Variants in TAAR9 observed in about 807,000 individuals in gnomAD.
TAAR9 encodes trace amine-associated receptor 9.
For synonymous variants in TAAR9, 162 were observed against 152.6 expected, an observed-to-expected ratio of 1.06 and a Z score of -0.45; for missense variants, 453 against 409.4, an observed-to-expected ratio of 1.11 and a Z score of -0.92.
Position 132,538,865 on chromosome 6 carries a change from TC to T in TAAR9, c.578del (p.Pro193HisfsTer2), listed in dbSNP as rs1237245357. 6.2e-7 allele frequency: 1 copy of T among 1,613,214 alleles called. No homozygotes were observed. Among genetic ancestry groups the T allele is most frequent in the Non-Finnish European group, 8.5e-7 (1 of 1,179,630 alleles). On this transcript the variant is annotated frameshift_variant, in exon 1 of 1. Coordinates refer to ENST00000434551, the Ensembl canonical transcript of TAAR9. LOFTEE classifies it low-confidence loss of function (END_TRUNC). Reference sequence around the variant, plus strand: ...TAACCTGTGTAGGAGGCTGCCAGGCTCCACTGAATCAAAACTGGGTCCTACT... The same window carrying T: ...TAACCTGTGTAGGAGGCTGCCAGGCTCACTGAATCAAAACTGGGTCCTACT...
At chr6:132,538,629 T>A in exon 1 of TAAR9, 1 of 1,593,918 alleles carries the variant, frequency 6.3e-7, no homozygotes, top group South Asian at 1.1e-5. Flanking sequence ...TTTTGACACA[T>A]CCTTCTGTTT....
chr6:132,538,470 A>T lies in TAAR9; in HGVS notation c.181A>T (p.Lys61Ter), dbSNP rs2842899. The change falls in exon 1 of 1, where the codon AAA becomes TAA. Residue 61 changes from lysine to a stop codon, truncating the protein, a stop_gained. Transcript: ENST00000434551. LOFTEE classifies it low-confidence loss of function (END_TRUNC). Reference sequence around the variant, plus strand: ...GGTCATGATTGCTATCCTTCACTTCAAACAACTGCACACACCTACAAACTT... The same window carrying T: ...GGTCATGATTGCTATCCTTCACTTCTAACAACTGCACACACCTACAAACTT... 0.26 allele frequency: 419,423 copies of T among 1,612,492 alleles called. 55,973 individuals carry two copies. The highest frequency in any genetic ancestry group is 0.28 in the Admixed American group (16,467 of 59,792).
At chr6:132,538,316 G>C in exon 1 of TAAR9, 1 of 1,604,276 alleles carries the variant, frequency 6.2e-7, no homozygotes, top group South Asian at 1.1e-5. Flanking sequence ...CCCAAGCTGA[G>C]GCTGTGGAGC....
At chr6:132,538,458 A>G (rs780940109) in exon 1 of TAAR9, 1 of 1,613,516 alleles carries the variant, frequency 6.2e-7, no homozygotes, top group Non-Finnish European at 8.5e-7. Context: ...CATGATTGCT[A>G]TCCTTCACTT....
chr6:132,538,981 T>C (rs1686890773), exon 1 of TAAR9: 2 of 1,536,362 alleles, frequency 1.3e-6, no homozygotes, highest in Non-Finnish European at 1.7e-6. Context: ...GCTAGGAAGA[T>C]AGAAAGTACA....
chr6:132,538,446 G>T, exon 1 of TAAR9: 8 of 1,613,326 alleles, frequency 5.0e-6, no homozygotes, highest in Non-Finnish European at 6.8e-6. Context: ...AAACTTACTG[G>T]TCATGATTGC....
exon 1 of TAAR9, chr6:132,538,323 G>A (rs1776247552): frequency 5.0e-6 from 8 of 1,610,294 alleles, no homozygotes; most frequent in Non-Finnish European, 5.9e-6. Context: ...TGAGGCTGTG[G>A]AGCTGTGTTA....
exon 1 of TAAR9, chr6:132,538,916 C>T (rs949331406): frequency 2.5e-6 from 4 of 1,595,470 alleles, no homozygotes; most frequent in Non-Finnish European, 3.4e-6. Context: ...TCTTTATACC[C>T]AATGTCGCCA....
At chr6:132,539,053 A>G (rs766738663) in exon 1 of TAAR9, 1 of 1,529,812 alleles carries the variant, frequency 6.5e-7, no homozygotes, top group Non-Finnish European at 8.7e-7. Flanking sequence ...AGAGAGAGAA[A>G]GGCTGCCAAA....
chr6:132,538,383 C>G (rs772471963), exon 1 of TAAR9: 2 of 1,613,614 alleles, frequency 1.2e-6, no homozygotes, highest in African/African-American at 2.7e-5. Flanking sequence ...GCCAGGTCCT[C>G]GATCTATCCT....
At chr6:132,539,106 C>G (rs576017060) in exon 1 of TAAR9, 1 of 1,552,628 alleles carries the variant, frequency 6.4e-7, no homozygotes, top group Non-Finnish European at 8.7e-7. Flanking sequence ...CTCTTGGCTA[C>G]CATACCTCGT....
chr6:132,538,913 A>G, exon 1 of TAAR9: 1 of 1,597,768 alleles, frequency 6.3e-7, no homozygotes, highest in Non-Finnish European at 8.5e-7. Context: ...TATTCTTTAT[A>G]CCCAATGTCG....
chr6:132,538,877 A>G (rs1381635210), exon 1 of TAAR9: 4 of 1,612,104 alleles, frequency 2.5e-6, no homozygotes. Flanking sequence ...CACTGAATCA[A>G]AACTGGGTCC....
exon 1 of TAAR9, chr6:132,538,869 C>T: frequency 1.2e-6 from 2 of 1,613,040 alleles, no homozygotes; most frequent in Non-Finnish European, 1.7e-6. Context: ...CCAGGCTCCA[C>T]TGAATCAAAA....
At chr6:132,538,463 T>C in exon 1 of TAAR9, 1 of 1,613,386 alleles carries the variant, frequency 6.2e-7, no homozygotes, top group South Asian at 1.1e-5. Flanking sequence ...TTGCTATCCT[T>C]CACTTCAAAC....
chr6:132,538,808 C>T (rs372695882), exon 1 of TAAR9: 12 of 1,613,688 alleles, frequency 7.4e-6, no homozygotes, highest in South Asian at 2.2e-5. Context: ...CGGGAGCCAA[C>T]GAAGAAGGAA....
At chr6:132,538,907 C>A (rs1440470083) in exon 1 of TAAR9, 1 of 1,601,986 alleles carries the variant, frequency 6.2e-7, no homozygotes, top group Non-Finnish European at 8.5e-7. Flanking sequence ...TTCTTCTATT[C>A]TTTATACCCA....
chr6:132,538,365 C>T, exon 1 of TAAR9: 3 of 1,613,616 alleles, frequency 1.9e-6, no homozygotes, highest in African/African-American at 1.3e-5. Context: ...CATTAAAACT[C>T]CTTACTCGCC....
Position 132,539,271 on chromosome 6 carries a change from G to A in TAAR9, c.982G>A (p.Gly328Ser), listed in dbSNP as rs754060093. ...GAAGGCAATAAAACTTATTGTAAGC[G>A]GCAAGGTCTTAAGGACTGATTCGTC... The change falls in exon 1 of 1, where the codon GGC becomes AGC. Residue 328 changes from glycine to serine, a missense_variant. By Grantham distance (56) the Gly-to-Ser change is moderately conservative (BLOSUM62 0). Transcript: ENST00000434551. 37 of 1,612,812 alleles carry A rather than the reference G, an allele frequency of 2.3e-5. No individual in the cohort carries two copies. Among genetic ancestry groups the A allele is most frequent in the Admixed American group, 5.0e-5 (3 of 59,810 alleles).
Sources: allele counts gnomAD v4.1 joint callset, GRCh38; gene constraint gnomAD v4.1.1; transcripts MANE v1.5; gene names NCBI Gene and HGNC (gene_info 2026-07-23, HGNC 2026-07-21).